Variants in GRIK1 observed in about 807,000 individuals in gnomAD.
GRIK1 encodes glutamate receptor ionotropic, kainate 1.
Under a neutral mutation model 105.7 loss-of-function variants are expected in GRIK1, and 69 were observed. The ratio of observed to expected loss-of-function variants is 0.65; its 90% CI spans 0.54 to 0.80. The LOEUF (loss-of-function observed/expected upper bound fraction) is 0.80. Among genes scored for constraint, GRIK1 ranks in the 30% least tolerant of loss-of-function variants. GRIK1 has a pLI of 0.00. For missense variants in GRIK1, 1,109 were observed against 1,167.3 expected, an observed-to-expected ratio of 0.95 and a Z score of 0.73; for synonymous variants, 438 against 431.3, an observed-to-expected ratio of 1.02 and a Z score of -0.19.
At chr21:29,645,735 G>A (rs2062605385) in intron 6 of GRIK1, among the ~76,000 whole-genome samples, 1 of 152,110 alleles carries the variant, frequency 6.6e-6, no homozygotes, top group African/African-American at 2.4e-5. Flanking sequence ...ATCATTTTAG[G>A]TAATAGGTAA....
intron 4 of GRIK1, chr21:29,657,370 T>A (rs2062874516): frequency 1.3e-5 from 2 of 152,194 alleles, no homozygotes; most frequent in Admixed American, 1.3e-4. Flanking sequence ...CTGATTATTT[T>A]TATTATTGTA....
At chr21:29,843,982 G>A (rs1303329745) in intron 1 of GRIK1, among the ~76,000 whole-genome samples, 2 of 152,188 alleles carry the variant, frequency 1.3e-5, no homozygotes, top group Non-Finnish European at 2.9e-5. Flanking sequence ...TGCTCTGGGA[G>A]TAGAACTGAT....
At chr21:29,658,860 A>C (rs938451045) in intron 4 of GRIK1, among the ~76,000 whole-genome samples, 1 of 151,988 alleles carries the variant, frequency 6.6e-6, no homozygotes, top group Non-Finnish European at 1.5e-5. Context: ...GACATATGTC[A>C]CTCTCCAGAG....
chr21:29,847,670 C>G (rs1480596090), intron 1 of GRIK1, among the ~76,000 whole-genome samples: 3 of 152,162 alleles, frequency 2.0e-5, no homozygotes, highest in Non-Finnish European at 4.4e-5. Flanking sequence ...GGCTCTGCAT[C>G]TTTGTTGCAA....
chr21:29,742,331 AAG>A (rs2064950761), intron 1 of GRIK1, among the ~76,000 whole-genome samples: 2 of 152,222 alleles, frequency 1.3e-5, no homozygotes, highest in African/African-American at 4.8e-5. Flanking sequence ...ATTAAGTAGA[AAG>A]AGAGAGAACC....
At chr21:29,796,447 A>C (rs2066557992) in intron 1 of GRIK1, among the ~76,000 whole-genome samples, 1 of 152,088 alleles carries the variant, frequency 6.6e-6, no homozygotes, top group African/African-American at 2.4e-5. Context: ...GAGATTATAT[A>C]ATTTTAATTA....
intron 1 of GRIK1, among the ~76,000 whole-genome samples, chr21:29,851,521 T>A (rs1181411267): frequency 6.6e-6 from 1 of 152,226 alleles, no homozygotes; most frequent in African/African-American, 2.4e-5. Flanking sequence ...GTTCTTTACC[T>A]TTGCTCCCTT....
chr21:29,817,268 A>G (rs987443546), intron 1 of GRIK1, among the ~76,000 whole-genome samples: 3 of 152,134 alleles, frequency 2.0e-5, no homozygotes, highest in Non-Finnish European at 2.9e-5. Context: ...GAGTACATAA[A>G]ACTACTCATA....
At chr21:29,649,844 C>T (rs905152507) in intron 6 of GRIK1, among the ~76,000 whole-genome samples, 5 of 152,098 alleles carry the variant, frequency 3.3e-5, no homozygotes, top group African/African-American at 1.2e-4. Flanking sequence ...GAGATCTCAT[C>T]CTGTGATTGA....
chr21:29,628,558 C>T (rs2062186138), intron 7 of GRIK1, among the ~76,000 whole-genome samples: 1 of 152,176 alleles, frequency 6.6e-6, no homozygotes, highest in African/African-American at 2.4e-5. Flanking sequence ...TTAGAATACA[C>T]ACCTGGGTTT....
At chr21:29,803,220 C>CT (rs1426910423) in intron 1 of GRIK1, among the ~76,000 whole-genome samples, 18 of 152,098 alleles carry the variant, frequency 1.2e-4, no homozygotes, top group Non-Finnish European at 1.8e-4. Context: ...TAAATTCCAA[C>CT]TTTATTTATT....
intron 7 of GRIK1, among the ~76,000 whole-genome samples, chr21:29,632,475 G>A (rs186841653): frequency 1.3e-5 from 2 of 151,380 alleles, no homozygotes; most frequent in Admixed American, 6.6e-5. Context: ...AGATAATTGC[G>A]AAAGCACACT....
intron 1 of GRIK1, among the ~76,000 whole-genome samples, chr21:29,800,818 C>T (rs963315171): frequency 3.9e-5 from 6 of 152,094 alleles, no homozygotes; most frequent in Non-Finnish European, 8.8e-5. Context: ...AATGGTAAGA[C>T]CCTGTATGTA....
At chr21:29,682,383 C>G (rs749906797) in intron 3 of GRIK1, among the ~76,000 whole-genome samples, 1 of 152,102 alleles carries the variant, frequency 6.6e-6, no homozygotes, top group African/African-American at 2.4e-5. Flanking sequence ...GGGCTGGCGT[C>G]GTTGTGAATT....
chr21:29,921,920 A>G (rs1438720040), intron 1 of GRIK1, among the ~76,000 whole-genome samples: 2 of 152,196 alleles, frequency 1.3e-5, no homozygotes, highest in Admixed American at 6.5e-5. Context: ...CAATCTAAGA[A>G]TAATTTTGCA....
chr21:29,832,019 G>A (rs2067656722), intron 1 of GRIK1, among the ~76,000 whole-genome samples: 1 of 152,320 alleles, frequency 6.6e-6, no homozygotes, highest in Non-Finnish European at 1.5e-5. Context: ...TTCCAAATGT[G>A]AGAAATCAGC....
chr21:29,676,176 C>A (rs2146657837), intron 3 of GRIK1, among the ~76,000 whole-genome samples: 1 of 152,228 alleles, frequency 6.6e-6, no homozygotes, highest in South Asian at 2.1e-4. Flanking sequence ...ATAAATTTAT[C>A]TTTTACAAAA....
At position 29,625,938 on chromosome 21, in the gene GRIK1, A is replaced by T. The variant is rs186652835; in HGVS notation, c.1098+16888T>A. On this transcript the variant is annotated intron_variant, in intron 7 of 17. Transcript: ENST00000327783. ...CAAAGTTGTGTCCCCCCAAATTTGT[A>T]TGTTGAAGCCCTAACCCCCAGCAGC... Among the ~76,000 whole-genome samples, 826 of 152,232 alleles carry T rather than the reference A, an allele frequency of 5.4e-3. 8 individuals carry two copies. The highest frequency in any genetic ancestry group is 0.019 in the African/African-American group (769 of 41,544).
At chr21:29,822,313 GAT>G (rs1240194328) in intron 1 of GRIK1, among the ~76,000 whole-genome samples, 9 of 152,016 alleles carry the variant, frequency 5.9e-5, no homozygotes, top group Non-Finnish European at 1.3e-4. Context: ...TGGCTTATGG[GAT>G]GTAGTTTCCT....
Sources: gnomAD v4.1 joint callset for allele counts (sites outside exome capture counted in the v4.1 genomes callset) on GRCh38, gnomAD v4.1.1 for gene constraint, MANE v1.5 for transcripts, NCBI Gene and HGNC (gene_info 2026-07-23, HGNC 2026-07-21) for gene names.